GALNT14: variants seen among roughly 807,000 people sequenced by gnomAD.
GALNT14 encodes polypeptide N-acetylgalactosaminyltransferase 14.
A neutral mutation model predicts 77.5 loss-of-function variants in GALNT14; 60 were observed. The observed-to-expected ratio is 0.77, with a 90% confidence interval of 0.63 to 0.96. The LOEUF (loss-of-function observed/expected upper bound fraction) is 0.96. Ranked by LOEUF, GALNT14 falls within the 40% of genes least tolerant of loss-of-function variation. The pLI, the probability that GALNT14 is intolerant of heterozygous loss-of-function variation, is 0.00. For missense variants in GALNT14, 710 were observed against 731.0 expected (o/e 0.97, Z 0.33); for synonymous variants, 280 against 281.7 (o/e 0.99, Z 0.06).
intron 1 of GALNT14, among the ~76,000 whole-genome samples, chr2:31,064,254 A>G (rs1054539318): frequency 6.6e-6 from 1 of 152,272 alleles, no homozygotes; most frequent in Non-Finnish European, 1.5e-5. Flanking sequence ...AATGTAAAAG[A>G]ATGTCTCTGC....
chr2:31,010,981 T>C (rs947634403), intron 1 of GALNT14, among the ~76,000 whole-genome samples: 11 of 152,314 alleles, frequency 7.2e-5, no homozygotes, highest in Admixed American at 5.2e-4. Context: ...CAAGGGCTGG[T>C]GCCATCAGGG....
At chr2:30,905,825 C>A (rs1291942110), downstream of GALNT14, among the ~76,000 whole-genome samples, 2 of 151,352 alleles carry the variant, frequency 1.3e-5, no homozygotes, top group East Asian at 2.0e-4. Context: ...GGTCGGGTTA[C>A]CCTCAAAGGG....
chr2:30,988,415 T>C (rs975505879), intron 2 of GALNT14, among the ~76,000 whole-genome samples: 4 of 151,924 alleles, frequency 2.6e-5, no homozygotes, highest in Admixed American at 2.0e-4. Flanking sequence ...AGCTTCTCGG[T>C]AGAGGTGATG....
rs1007617811 is a variant in GALNT14, at chr2:31,006,208, T to C, written c.130-13201A>G. Among the ~76,000 whole-genome samples, 2 of 152,182 alleles carry C rather than the reference T, an allele frequency of 1.3e-5. 1 individual carries two copies. The highest frequency in any genetic ancestry group is 2.9e-5 in the Non-Finnish European group (2 of 68,038). On this transcript the variant is annotated intron_variant, in intron 1 of 14. Transcript: ENST00000349752. ...TTTGCAGCTTCCTCAAATCTCCCTC[T>C]AGGTTCTTGCCAGGCAAAGATAACC...
intron 1 of GALNT14, among the ~76,000 whole-genome samples, chr2:31,079,577 C>T (rs533041814): frequency 1.3e-4 from 20 of 152,144 alleles, no homozygotes; most frequent in African/African-American, 3.1e-4. Flanking sequence ...GGTTATGATT[C>T]TCCTGCCCAG....
intron 1 of GALNT14, among the ~76,000 whole-genome samples, chr2:31,077,063 C>A (rs568946918): frequency 6.6e-6 from 1 of 152,158 alleles, no homozygotes; most frequent in African/African-American, 2.4e-5. Context: ...ATAATAATTG[C>A]AGCTTCTGTT....
At chr2:31,130,822 G>A (rs531993621) in intron 1 of GALNT14, among the ~76,000 whole-genome samples, 1 of 151,940 alleles carries the variant, frequency 6.6e-6, no homozygotes, top group African/African-American at 2.4e-5. Context: ...GTGTATATGT[G>A]TGTGTTCATG....
rs1264868105 is a variant in GALNT14 at position 30,989,573 on chromosome 2, TATATATATAAAA to T, written c.299+3253_299+3264del. ...TAGGTAAATACCTTATATATATATA[TATATATATAAAA>T]ATATATATATTAGTAGATATATAAA... On this transcript the variant is annotated intron_variant, in intron 2 of 14. Transcript: ENST00000349752. Among the ~76,000 whole-genome samples, 3 of 127,880 alleles carry T rather than the reference TATATATATAAAA, an allele frequency of 2.3e-5. 1 individual carries two copies. Among genetic ancestry groups the T allele is most frequent in the Admixed American group, 1.6e-4 (2 of 12,214 alleles). 83.9% of individuals were successfully genotyped at this position (127,880 alleles called of 152,430 possible). A position where few individuals can be genotyped will look rare whatever the true frequency, so the allele number is the denominator to read the frequency against.
chr2:30,955,055 T>C (rs1357673356), intron 6 of GALNT14, among the ~76,000 whole-genome samples: 1 of 152,178 alleles, frequency 6.6e-6, no homozygotes, highest in Non-Finnish European at 1.5e-5. Context: ...TTCCTTTCAC[T>C]TTTTGGGGAG....
intron 1 of GALNT14, among the ~76,000 whole-genome samples, chr2:31,063,932 A>G (rs2148547025): frequency 6.6e-6 from 1 of 152,328 alleles, no homozygotes; most frequent in African/African-American, 2.4e-5. Flanking sequence ...ACCTAGGTAT[A>G]TAATTTTGCC....
At chr2:31,036,651 C>A (rs1573213364) in intron 1 of GALNT14, among the ~76,000 whole-genome samples, 1 of 152,124 alleles carries the variant, frequency 6.6e-6, no homozygotes, top group African/African-American at 2.4e-5. Flanking sequence ...TTCACTGCAA[C>A]CTGAAAATCT....
the GALNT14 span, among the ~76,000 whole-genome samples, chr2:30,891,086 G>C: frequency 6.6e-6 from 1 of 152,128 alleles, no homozygotes; most frequent in African/African-American, 2.4e-5. Context: ...TGTTCAAGTG[G>C]GCAGGTAGTT....
intron 1 of GALNT14, among the ~76,000 whole-genome samples, chr2:31,118,445 A>C (rs1007673594): frequency 2.0e-5 from 3 of 152,230 alleles, no homozygotes; most frequent in Non-Finnish European, 4.4e-5. Context: ...CCAGGAATGC[A>C]AGGATGATTC....
chr2:31,059,089 A>G (rs2148536602), intron 1 of GALNT14, among the ~76,000 whole-genome samples: 1 of 152,354 alleles, frequency 6.6e-6, no homozygotes, highest in East Asian at 1.9e-4. Flanking sequence ...TTTCAGTAAA[A>G]AGCACACAGA....
chr2:31,028,652 C>T (rs927374597), intron 1 of GALNT14, among the ~76,000 whole-genome samples: 22 of 152,194 alleles, frequency 1.4e-4, no homozygotes, highest in African/African-American at 5.1e-4. Flanking sequence ...GGTGAAACAC[C>T]AGGGGCTATT....
intron 6 of GALNT14, among the ~76,000 whole-genome samples, chr2:30,946,349 AG>A (rs1413268204): frequency 6.6e-6 from 1 of 152,116 alleles, no homozygotes; most frequent in African/African-American, 2.4e-5. Flanking sequence ...CTGGATCATA[AG>A]GGTGGATTTC....
intron 1 of GALNT14, among the ~76,000 whole-genome samples, chr2:31,107,235 T>C (rs912865191): frequency 4.5e-4 from 68 of 152,186 alleles, no homozygotes; most frequent in African/African-American, 1.6e-3. Context: ...TCTTCAGTTT[T>C]GCTCACCCTA....
chr2:30,978,963 C>T (rs1485982073), intron 2 of GALNT14, among the ~76,000 whole-genome samples: 1 of 152,194 alleles, frequency 6.6e-6, no homozygotes, highest in Non-Finnish European at 1.5e-5. Flanking sequence ...ACACCCTCCA[C>T]CCAGACTCCC....
In GALNT14 at chr2:30,979,108, G is replaced by A. The variant is rs545873200; in HGVS notation, c.300-12806C>T. ...GTTGGGGTGGTGACAGGAGCTGTGT[G>A]CCCACAGCATGTGAAGAGTTTCAGG... is the stretch of plus-strand genomic sequence containing the variant. On this transcript the variant is annotated intron_variant, in intron 2 of 14. Coordinates refer to ENST00000349752, the MANE Select transcript of GALNT14 (RefSeq NM_024572.4). Among the ~76,000 whole-genome samples, 562 of 152,362 alleles carry A rather than the reference G, an allele frequency of 3.7e-3. 1 individual carries two copies. Among genetic ancestry groups the A allele is most frequent in the African/African-American group, 0.013 (533 of 41,580 alleles).
Sources: allele counts gnomAD v4.1 joint callset (sites outside exome capture counted in the v4.1 genomes callset), GRCh38; gene constraint gnomAD v4.1.1; transcripts MANE v1.5; gene names NCBI Gene and HGNC (gene_info 2026-07-23, HGNC 2026-07-21).